Variants in EDDM13 observed in about 807,000 individuals in gnomAD.
EDDM13 encodes the protein epididymal protein 13.
In EDDM13, 24 loss-of-function variants were observed where a neutral mutation model predicts 17.8. The observed-to-expected ratio is 1.35, with a 90% CI of 0.98 to 1.90. The LOEUF (loss-of-function observed/expected upper bound fraction) is 1.90. EDDM13 is among the 40% of genes most tolerant of loss of function. EDDM13 has a pLI of 0.00. For missense variants in EDDM13, 97 were observed against 100.8 expected (o/e 0.96, Z 0.16); for synonymous variants, 31 against 37.5 (o/e 0.83, Z 0.63).
At chr19:56,309,839 C>T (rs2040923489) in intron 14 of EDDM13, among the ~76,000 whole-genome samples, 2 of 152,136 alleles carry the variant, frequency 1.3e-5, no homozygotes, top group Non-Finnish European at 2.9e-5. Context: ...CTAGAAGAGC[C>T]CTGCTCTGAG....
intron 12 of EDDM13, among the ~76,000 whole-genome samples, chr19:56,298,634 A>G (rs2040033950): frequency 7.0e-6 from 1 of 143,234 alleles, no homozygotes; most frequent in African/African-American, 2.7e-5. Context: ...GACTGGCAAC[A>G]GAGCAAGACT....
At chr19:56,306,189 T>C (rs2040673391) in intron 14 of EDDM13, among the ~76,000 whole-genome samples, 1 of 152,216 alleles carries the variant, frequency 6.6e-6, no homozygotes, top group Non-Finnish European at 1.5e-5. Context: ...GAGATGACGG[T>C]AGCCTGGTCA....
Position 56,292,970 on chromosome 19 carries a change from T to C in EDDM13, c.232+2124T>C, listed in dbSNP as rs1481460352. On this transcript the variant is annotated intron_variant, in intron 9 of 14. Coordinates refer to ENST00000649256, the MANE Select transcript of EDDM13 (RefSeq NM_001354658.2). The stretch of plus-strand genomic sequence containing the variant: ...ATTTTTTAATCCAATCATCCACTGA[T>C]TGAATTTTGGGTTGATTCTACCTTT... Among the ~76,000 whole-genome samples the C allele has an allele frequency of 3.9e-5, 6 of 152,188 alleles. No individual in the cohort carries two copies. The East Asian group carries it at 1.2e-3, about 29-fold the overall frequency.
chr19:56,294,077 C>T (rs2039698424), intron 9 of EDDM13, among the ~76,000 whole-genome samples: 1 of 152,208 alleles, frequency 6.6e-6, no homozygotes, highest in Admixed American at 6.5e-5. Context: ...GCTGCACTGA[C>T]AGCACTTTGC....
chr19:56,285,770 C>A (rs746493530), intron 6 of EDDM13, among the ~76,000 whole-genome samples: 1 of 151,858 alleles, frequency 6.6e-6, no homozygotes, highest in Non-Finnish European at 1.5e-5. Flanking sequence ...TGAGCCATCA[C>A]GCCCAGCCCA....
intron 13 of EDDM13, among the ~76,000 whole-genome samples, chr19:56,302,654 C>A (rs536983586): frequency 8.3e-6 from 1 of 121,070 alleles, no homozygotes; most frequent in African/African-American, 3.4e-5. Context: ...TTCTTCCCCC[C>A]CTCCCTGTTC....
chr19:56,304,863 C>T (rs570789124), intron 14 of EDDM13, 33 bp downstream of exon 14: 2 of 929,766 alleles, frequency 2.2e-6, no homozygotes, highest in Admixed American at 6.2e-5. Context: ...GCTTTTCCCA[C>T]CGCTGGGGTG....
At chr19:56,303,218 G>A (rs901990589) in intron 13 of EDDM13, among the ~76,000 whole-genome samples, 15 of 152,248 alleles carry the variant, frequency 9.9e-5, no homozygotes, top group East Asian at 3.9e-4. Flanking sequence ...GGTGGCTCAC[G>A]CTTGTCATCG....
In EDDM13 at chr19:56,310,373, T is replaced by A. The variant is rs888325616; in HGVS notation, c.*225T>A. On this transcript the variant is annotated 3_prime_UTR_variant, in exon 15 of 15. Transcript: ENST00000649256. ...GCGGCTGAGAGAGCAACTGCAGGAGTTTCCCCTAAAATCTCTCCTCCAGAT... is the reference window on the plus strand; with the variant it reads ...GCGGCTGAGAGAGCAACTGCAGGAGATTCCCCTAAAATCTCTCCTCCAGAT... 6.6e-6 allele frequency: 1 copy of A among 152,026 alleles called. No individual in the cohort carries two copies. Among genetic ancestry groups the A allele is most frequent in the African/African-American group, 2.4e-5 (1 of 41,368 alleles). 9.4% of individuals were successfully genotyped at this position (152,026 alleles called of 1,614,324 possible). A position where few individuals can be genotyped will look rare whatever the true frequency, so the allele number is the denominator to read the frequency against.
chr19:56,288,122 G>C (rs2147127440), intron 6 of EDDM13, among the ~76,000 whole-genome samples: 1 of 152,292 alleles, frequency 6.6e-6, no homozygotes. Context: ...TGGGTCCATG[G>C]TGTCCGCTGT....
At chr19:56,295,537 G>A (rs566954956) in intron 9 of EDDM13, among the ~76,000 whole-genome samples, 114 of 152,262 alleles carry the variant, frequency 7.5e-4, no homozygotes, top group East Asian at 3.9e-3. Flanking sequence ...AGAAGTTGCA[G>A]TGAGCCGAGA....
At chr19:56,304,294 G>A (rs1243480092) in intron 13 of EDDM13, among the ~76,000 whole-genome samples, 1 of 152,222 alleles carries the variant, frequency 6.6e-6, no homozygotes, top group Non-Finnish European at 1.5e-5. Flanking sequence ...AGACCAGGGA[G>A]ATGAGCCTGA....
chr19:56,304,571 G>A (rs919241023), intron 13 of EDDM13, among the ~76,000 whole-genome samples: 9 of 152,222 alleles, frequency 5.9e-5, no homozygotes, highest in African/African-American at 2.2e-4. Context: ...TTATGGGGAT[G>A]AGGAGAACTG....
At chr19:56,288,700 C>T (rs1487471510) in intron 7 of EDDM13, among the ~76,000 whole-genome samples, 174 bp from the exon 8 acceptor site, 5 of 152,144 alleles carry the variant, frequency 3.3e-5, no homozygotes, top group Non-Finnish European at 5.9e-5. Context: ...TGTCTTCACC[C>T]GTAAAATGAG....
intron 9 of EDDM13, among the ~76,000 whole-genome samples, chr19:56,295,466 G>A (rs1284186859): frequency 2.6e-5 from 4 of 152,028 alleles, no homozygotes; most frequent in Admixed American, 2.6e-4. Flanking sequence ...GTGGTTGCGG[G>A]TGCCTGTGCT....
At chr19:56,298,217 A>T (rs1452840075) in intron 12 of EDDM13, 1 of 152,222 alleles carries the variant, frequency 6.6e-6, no homozygotes, top group African/African-American at 2.4e-5. Flanking sequence ...ATCATAGCAG[A>T]TCTTGCAGGT....
At chr19:56,278,001 A>T (rs2038392503) in intron 2 of EDDM13, among the ~76,000 whole-genome samples, 1 of 152,260 alleles carries the variant, frequency 6.6e-6, no homozygotes, top group Admixed American at 6.5e-5. Context: ...AAAGTTTAGT[A>T]AGAAAGGTAT....
intron 9 of EDDM13, among the ~76,000 whole-genome samples, chr19:56,292,606 C>T (rs1338005591): frequency 1.3e-5 from 2 of 151,980 alleles, no homozygotes; most frequent in Non-Finnish European, 2.9e-5. Flanking sequence ...TTAAAGTGTG[C>T]GATTTAGTGG....
rs1263767215 is a variant in EDDM13, at chr19:56,276,129, C to G, written c.103+20C>G. On this transcript the variant is annotated intron_variant, in intron 2 of 14. Transcript: ENST00000649256. The stretch of plus-strand genomic sequence containing the variant: ...AAAAAAGTAAGAACCGTGGAACCCC[C>G]AAGTCTGTATTTTCATAGCTACCTC... 1.3e-5 allele frequency among the ~76,000 whole-genome samples: 2 copies of G among 152,216 alleles called. No individual in the cohort carries two copies. The highest frequency in any genetic ancestry group is 4.8e-5 in the African/African-American group (2 of 41,458).
Sources: allele counts gnomAD v4.1 joint callset (sites outside exome capture counted in the v4.1 genomes callset), GRCh38; gene constraint gnomAD v4.1.1; transcripts MANE v1.5; gene names NCBI Gene and HGNC (gene_info 2026-07-23, HGNC 2026-07-21).